TMEM235: variants seen among roughly 807,000 people sequenced by gnomAD.
TMEM235 encodes claudin-27.
A neutral mutation model predicts 22.9 loss-of-function variants in TMEM235; 23 were observed. The observed-to-expected ratio is 1.00, with a 90% CI of 0.72 to 1.42. TMEM235 has a LOEUF of 1.42. Among genes scored for constraint, TMEM235 ranks in the 40% most tolerant of loss-of-function variants. The pLI, the probability that TMEM235 is intolerant of heterozygous loss-of-function variation, is 0.00. For synonymous variants in TMEM235, 137 were observed against 140.5 expected, an observed-to-expected ratio of 0.98 and a Z score of 0.17; for missense variants, 308 against 299.5, an observed-to-expected ratio of 1.03 and a Z score of -0.21.
At chr17:78,234,754 T>C (rs1156850794) in intron 4 of TMEM235, 24 bp downstream of exon 3, 1 of 1,535,808 alleles carries the variant, frequency 6.5e-7, no homozygotes, top group African/African-American at 1.4e-5. Context: ...CCTGGGGGAA[T>C]GGCTCCAAAG....
chr17:78,231,959 G>T, exon 2 of TMEM235: 5 of 1,019,480 alleles, frequency 4.9e-6, no homozygotes, highest in Non-Finnish European at 5.9e-6. Context: ...TCCCGGCTCC[G>T]CGCGCCCCCC....
exon 6 of TMEM235, chr17:78,240,619 A>AGTCTTGAGAG (rs532295603): frequency 2.6e-5 from 4 of 152,976 alleles, no homozygotes; most frequent in Admixed American, 2.6e-4. Context: ...GCCCTTCCCG[A>AGTCTTGAGAG]GTCTTGAGAG....
chr17:78,239,875 T>C (rs574934637), exon 6 of TMEM235: 1 of 1,551,418 alleles, frequency 6.4e-7, no homozygotes, highest in East Asian at 2.4e-5. Flanking sequence ...CTGGCCTCTG[T>C]TCTGTCCACT....
chr17:78,235,454 A>G (rs1374049646), intron 4 of TMEM235, among the ~76,000 whole-genome samples: 1 of 151,354 alleles, frequency 6.6e-6, no homozygotes, highest in Admixed American at 6.6e-5. Flanking sequence ...CACCCAGCTA[A>G]TTTTGTATTT....
In TMEM235 at chr17:78,238,299, C is replaced by T. The variant is rs1383774322; in HGVS notation, c.410-725C>T. Among the ~76,000 whole-genome samples the T allele has an allele frequency of 6.6e-6, 1 of 152,152 alleles. No homozygotes were observed. Among genetic ancestry groups the T allele is most frequent in the Non-Finnish European group, 1.5e-5 (1 of 68,024 alleles). ...AAGCCCAGCTTCATTCCTTTGACAACAGCTTTGACCATGTGGAGAGCGGGA... is the reference window on the plus strand; with the variant it reads ...AAGCCCAGCTTCATTCCTTTGACAATAGCTTTGACCATGTGGAGAGCGGGA... On this transcript the variant is annotated intron_variant, in intron 4 of 5. Coordinates refer to ENST00000421688, the Ensembl canonical transcript of TMEM235. This position sits in a 1 kb window ranked among gnomAD's most constrained non-coding sequence, Gnocchi z 4.3.
chr17:78,233,581 G>C (rs1321131672), intron 2 of TMEM235, among the ~76,000 whole-genome samples: 1 of 152,056 alleles, frequency 6.6e-6, no homozygotes, highest in Non-Finnish European at 1.5e-5. Flanking sequence ...TGTAGTCCCA[G>C]CTACTTGGGA....
chr17:78,231,957 C>CCG, exon 2 of TMEM235: 1 of 1,073,870 alleles, frequency 9.3e-7, no homozygotes, highest in Non-Finnish European at 1.1e-6. Flanking sequence ...GCTCCCGGCT[C>CCG]CGCGCGCCCC....
intron 3 of TMEM235, 81 bp downstream of exon 2, chr17:78,234,056 C>A (rs185485311): frequency 8.0e-7 from 1 of 1,245,752 alleles, no homozygotes; most frequent in Non-Finnish European, 1.1e-6. Flanking sequence ...ATCCCCATCC[C>A]GCAGCACTGC....
At chr17:78,231,941 C>T in exon 2 of TMEM235, 1 of 1,011,520 alleles carries the variant, frequency 9.9e-7, no homozygotes, top group Non-Finnish European at 1.2e-6. Context: ...CGCCCCCCGT[C>T]CCCCGGCTCC....
At chr17:78,234,160 C>T (rs1018702097) in intron 3 of TMEM235, 185 bp downstream of exon 2, 1 of 705,356 alleles carries the variant, frequency 1.4e-6, no homozygotes, top group African/African-American at 1.7e-5. Flanking sequence ...CAGCTCCCAG[C>T]CTATCCTGTT....
chr17:78,234,425 C>T, intron 3 of TMEM235, 168 bp from the exon 3 acceptor site: 2 of 1,043,454 alleles, frequency 1.9e-6, no homozygotes, highest in Non-Finnish European at 1.4e-6. Flanking sequence ...CTTAGGAAGC[C>T]CCTGCCAGAG....
Position 78,238,550 on chromosome 17 carries a change from C to CTGTGTGTGTGTGTGTGTGTGTGTGTGTG in TMEM235, c.410-465_410-438dup, listed in dbSNP as rs55893266. On this transcript the variant is annotated intron_variant, in intron 4 of 5. Transcript: ENST00000421688. The surrounding 1 kb of genome is among the most constrained non-coding windows in gnomAD (Gnocchi z 4.3). ...GCTGCTGCCAGCAGAGGCCATGGCT[C>CTGTGTGTGTGTGTGTGTGTGTGTGTGTG]TGTGTGTGTGTGTGTGTGTGTGTGT... 7.2e-6 allele frequency among the ~76,000 whole-genome samples: 1 copy of CTGTGTGTGTGTGTGTGTGTGTGTGTGTG among 138,230 alleles called. No homozygotes were observed. Among genetic ancestry groups the CTGTGTGTGTGTGTGTGTGTGTGTGTGTG allele is most frequent in the East Asian group, 2.2e-4 (1 of 4,620 alleles). The allele number at this position is 138,230 out of a possible 152,430, so 90.7% of individuals were successfully genotyped here. A position where few individuals can be genotyped will look rare whatever the true frequency, so the allele number is the denominator to read the frequency against.
exon 2 of TMEM235, chr17:78,231,644 C>T (rs2076579968): frequency 1.5e-6 from 2 of 1,300,410 alleles, no homozygotes; most frequent in Non-Finnish European, 2.0e-6. Context: ...CCCTGCACAG[C>T]CCGGCCAGGC....
At chr17:78,240,189 T>G in exon 6 of TMEM235, 1 of 702,724 alleles carries the variant, frequency 1.4e-6, no homozygotes, top group Non-Finnish European at 2.0e-6. Flanking sequence ...CTGGCAGAGA[T>G]GGAAGTCCCA....
At chr17:78,236,555 C>G (rs529234377) in intron 4 of TMEM235, among the ~76,000 whole-genome samples, 1 of 152,356 alleles carries the variant, frequency 6.6e-6, no homozygotes, top group South Asian at 2.1e-4. Flanking sequence ...GGCCTGGGCT[C>G]CCCTTCACCC....
At chr17:78,232,707 G>T (rs960903194) in intron 2 of TMEM235, among the ~76,000 whole-genome samples, 1 of 150,982 alleles carries the variant, frequency 6.6e-6, no homozygotes, top group Non-Finnish European at 1.5e-5. Flanking sequence ...GCAGGCTGGA[G>T]GGTCCACAGG....
exon 2 of TMEM235, chr17:78,231,560 G>C (rs1177790984): frequency 1.3e-5 from 17 of 1,304,052 alleles, no homozygotes; most frequent in Non-Finnish European, 1.7e-5. Flanking sequence ...AGGAGCACGG[G>C]TGGGTGGTCC....
chr17:78,231,533 C>T, exon 2 of TMEM235: 1 of 1,303,996 alleles, frequency 7.7e-7, no homozygotes, highest in Non-Finnish European at 1.0e-6. Flanking sequence ...CAGCCCGTGC[C>T]AGGCTCCTAT....
At chr17:78,240,195 T>A in exon 6 of TMEM235, 1 of 650,070 alleles carries the variant, frequency 1.5e-6, no homozygotes, top group Non-Finnish European at 2.2e-6. Context: ...GAGATGGAAG[T>A]CCCAGAAGGG....
Sources: gnomAD v4.1 joint callset for allele counts (sites outside exome capture counted in the v4.1 genomes callset) on GRCh38, gnomAD v4.1.1 for gene constraint, Gnocchi (gnomAD v3.1) non-coding constraint, MANE v1.5 for transcripts, NCBI Gene and HGNC (gene_info 2026-07-23, HGNC 2026-07-21) for gene names.